SPIDR: variants seen among roughly 807,000 people sequenced by gnomAD.
SPIDR encodes the protein scaffold protein involved in DNA repair, also known as DNA repair-scaffolding protein.
SPIDR carries 93 observed loss-of-function variants against 104.6 expected under a neutral mutation model. The ratio of observed to expected loss-of-function variants is 0.89; its 90% CI spans 0.75 to 1.06. SPIDR has a LOEUF of 1.06. Ranked by LOEUF, SPIDR falls within the 50% of genes least tolerant of loss-of-function variation. The probability of loss-of-function intolerance (pLI) is 0.00; values close to 1 mark genes in which losing one functional copy is unlikely to be tolerated. For missense variants in SPIDR, 1,154 were observed against 1,111.2 expected, an observed-to-expected ratio of 1.04 and a Z score of -0.55; for synonymous variants, 431 against 416.9, an observed-to-expected ratio of 1.03 and a Z score of -0.41.
At chr8:47,484,726 G>T (rs1198356697) in intron 8 of SPIDR, among the ~76,000 whole-genome samples, 2 of 152,176 alleles carry the variant, frequency 1.3e-5, no homozygotes, top group East Asian at 3.8e-4. Context: ...GACATCATTG[G>T]GACCAGTAGT....
At chr8:47,355,417 G>A (rs1366585933) in intron 5 of SPIDR, among the ~76,000 whole-genome samples, 1 of 149,672 alleles carries the variant, frequency 6.7e-6, no homozygotes, top group Non-Finnish European at 1.5e-5. Context: ...CTGATAGAAT[G>A]CCTAGCCTAC....
intron 8 of SPIDR, among the ~76,000 whole-genome samples, chr8:47,520,408 T>C (rs944430416): frequency 6.6e-6 from 1 of 152,190 alleles, no homozygotes; most frequent in African/African-American, 2.4e-5. Context: ...TTGTTTAATT[T>C]TATGCTTGTA....
intron 10 of SPIDR, among the ~76,000 whole-genome samples, chr8:47,664,743 CAAAAAAAA>C (rs771963348): frequency 2.2e-4 from 14 of 63,510 alleles, no homozygotes; most frequent in African/African-American, 7.5e-4. Flanking sequence ...CCCATCTCTA[CAAAAAAAA>C]AAAAAAAAAA....
chr8:47,652,437 G>A (rs1563429982), intron 10 of SPIDR, among the ~76,000 whole-genome samples: 1 of 152,204 alleles, frequency 6.6e-6, no homozygotes, highest in Non-Finnish European at 1.5e-5. Flanking sequence ...TGTCAGCTGG[G>A]CACGGCAGGC....
At chr8:47,379,937 T>C (rs1281359961) in intron 5 of SPIDR, among the ~76,000 whole-genome samples, 15 of 152,324 alleles carry the variant, frequency 9.8e-5, no homozygotes, top group African/African-American at 3.4e-4. Context: ...CCTGGCTTGA[T>C]TCCTCTGAAA....
chr8:47,401,245 T>A (rs1262207429), intron 6 of SPIDR, among the ~76,000 whole-genome samples: 2 of 152,130 alleles, frequency 1.3e-5, no homozygotes, highest in African/African-American at 2.4e-5. Flanking sequence ...CTACGCTTCA[T>A]AAGTGAAGGA....
chr8:47,376,103 T>A (rs1020371892), intron 5 of SPIDR, among the ~76,000 whole-genome samples: 8 of 152,178 alleles, frequency 5.3e-5, no homozygotes, highest in Non-Finnish European at 8.8e-5. Flanking sequence ...CACTTTGAGG[T>A]CTCTGAGCAA....
rs1251959638 is a variant in SPIDR at position 47,496,411 on chromosome 8, T to C, written c.1097+55869T>C. Among the ~76,000 whole-genome samples, 3 of 152,222 alleles carry C rather than the reference T, an allele frequency of 2.0e-5. No homozygotes were observed. The East Asian group carries it at 5.8e-4, about 29-fold the overall frequency. On this transcript the variant is annotated intron_variant, in intron 8 of 19. Coordinates refer to ENST00000297423, the MANE Select transcript of SPIDR (RefSeq NM_001080394.4). ...CTTGAGTGTTTTCATCATGAACATG[T>C]ATTAAATTTAGTAAAATGCTTTTTC...
intron 8 of SPIDR, among the ~76,000 whole-genome samples, chr8:47,443,581 A>C (rs2069895116): frequency 6.6e-6 from 1 of 151,130 alleles, no homozygotes; most frequent in Non-Finnish European, 1.5e-5. Context: ...CAAAAAAAAA[A>C]AAAAAAAAAA....
In SPIDR at chr8:47,583,175, G is replaced by A. The variant is rs191716062; in HGVS notation, c.1098-12636G>A. ...AAAAAAATTAGCCGGGCGTGGTGGCGGGCGCCTGTAGTCCCAGCTACTTGG... is the reference window on the plus strand; with the variant it reads ...AAAAAAATTAGCCGGGCGTGGTGGCAGGCGCCTGTAGTCCCAGCTACTTGG... On this transcript the variant is annotated intron_variant, in intron 8 of 19. Transcript: ENST00000297423. Among the ~76,000 whole-genome samples, 386 of 151,756 alleles carry A rather than the reference G, an allele frequency of 2.5e-3. 9 individuals carry two copies. The highest frequency in any genetic ancestry group is 0.023 in the Admixed American group (347 of 15,228).
chr8:47,542,600 AT>A (rs1377818004), intron 8 of SPIDR, among the ~76,000 whole-genome samples: 1 of 152,196 alleles, frequency 6.6e-6, no homozygotes, highest in East Asian at 1.9e-4. Flanking sequence ...GATGAGAGGC[AT>A]CCAAGTGCAG....
intron 8 of SPIDR, among the ~76,000 whole-genome samples, chr8:47,507,275 A>T (rs1308837247): frequency 6.6e-6 from 1 of 152,200 alleles, no homozygotes; most frequent in Non-Finnish European, 1.5e-5. Context: ...AGTCCATGAT[A>T]TGTGCCCATA....
chr8:47,431,324 G>T (rs1301023378), intron 7 of SPIDR, among the ~76,000 whole-genome samples: 2 of 152,148 alleles, frequency 1.3e-5, no homozygotes, highest in Non-Finnish European at 2.9e-5. Context: ...CAGACTGAAG[G>T]TTAGGACTTC....
Position 47,402,114 on chromosome 8 carries a change from CAG to C in SPIDR, c.776+5490_776+5491del, listed in dbSNP as rs577460782. On this transcript the variant is annotated intron_variant, in intron 6 of 19. Coordinates refer to ENST00000297423, the MANE Select transcript of SPIDR (RefSeq NM_001080394.4). ...GCATTCCTCAGCAAATGTAAAAGAA[CAG>C]AAATTATAACAAAATGTCTCTGAGA... 1.3e-3 allele frequency among the ~76,000 whole-genome samples: 200 copies of C among 152,304 alleles called. 1 individual carries two copies. Among genetic ancestry groups the C allele is most frequent in the Non-Finnish European group, 2.4e-3 (165 of 68,038 alleles).
chr8:47,323,898 T>C (rs1563620268), intron 5 of SPIDR, among the ~76,000 whole-genome samples: 1 of 152,222 alleles, frequency 6.6e-6, no homozygotes. Flanking sequence ...TGCATCTTGA[T>C]TGGAAACTAT....
chr8:47,708,616 A>G (rs2154486655), intron 14 of SPIDR, among the ~76,000 whole-genome samples: 1 of 152,326 alleles, frequency 6.6e-6, no homozygotes, highest in Admixed American at 6.5e-5. Context: ...CCATGTATCT[A>G]CGATCATAGT....
intron 11 of SPIDR, among the ~76,000 whole-genome samples, chr8:47,695,640 G>C (rs941837134): frequency 2.0e-5 from 3 of 152,200 alleles, no homozygotes; most frequent in Non-Finnish European, 4.4e-5. Flanking sequence ...CAAGCAAGCT[G>C]GTAATATCAG....
chr8:47,572,402 G>A (rs1215592807), intron 8 of SPIDR, among the ~76,000 whole-genome samples: 1 of 152,152 alleles, frequency 6.6e-6, no homozygotes, highest in Non-Finnish European at 1.5e-5. Context: ...GGTGGCTCAT[G>A]CCTGTAATCC....
At chr8:47,634,887 A>G (rs1429119269) in intron 10 of SPIDR, among the ~76,000 whole-genome samples, 2 of 152,310 alleles carry the variant, frequency 1.3e-5, no homozygotes, top group Non-Finnish European at 2.9e-5. Context: ...ACAGCTGGAG[A>G]AAGTTTTTCA....
Sources: gnomAD v4.1 joint callset for allele counts (sites outside exome capture counted in the v4.1 genomes callset) on GRCh38, gnomAD v4.1.1 for gene constraint, MANE v1.5 for transcripts, NCBI Gene and HGNC (gene_info 2026-07-23, HGNC 2026-07-21) for gene names.